The following KLF8 variants were observed in gnomAD, a reference collection of about 807,000 sequenced individuals.
KLF8 encodes the protein KLF transcription factor 8.
A neutral mutation model predicts 18.2 loss-of-function variants in KLF8; 10 were observed. The ratio of observed to expected loss-of-function variants is 0.55; its 90% confidence interval spans 0.34 to 0.93. KLF8 has a LOEUF of 0.93. Among genes scored for constraint, KLF8 ranks in the 40% least tolerant of loss-of-function variants. The probability of loss-of-function intolerance (pLI) is 0.02; values close to 1 mark genes in which losing one functional copy is unlikely to be tolerated. For synonymous variants in KLF8, 109 were observed against 97.3 expected, an observed-to-expected ratio of 1.12 and a Z score of -0.71; for missense variants, 264 against 277.9, an observed-to-expected ratio of 0.95 and a Z score of 0.36.
the KLF8 span, among the ~76,000 whole-genome samples, chrX:55,990,827 CAGCAAATGT>C: frequency 8.9e-6 from 1 of 111,865 alleles, no homozygotes; most frequent in Admixed American, 9.5e-5. Context: ...TACTGGTGAG[CAGCAAATGT>C]TGCTGCCTGA....
chrX:56,177,496 G>A, the KLF8 span, among the ~76,000 whole-genome samples: 8 of 110,721 alleles, frequency 7.2e-5, no homozygotes, highest in Non-Finnish European at 1.3e-4. Flanking sequence ...GCCATGTGAG[G>A]TGTCCATCTG....
At chrX:56,158,515 T>C in the KLF8 span, among the ~76,000 whole-genome samples, 1 of 111,948 alleles carries the variant, frequency 8.9e-6, no homozygotes, top group African/African-American at 3.2e-5. Flanking sequence ...ATTCTTCCTA[T>C]CCATGAGTAT....
At chrX:56,058,159 C>CAT in the KLF8 span, among the ~76,000 whole-genome samples, 5,186 of 79,700 alleles carry the variant, frequency 0.065, 554 homozygotes, top group African/African-American at 0.24. Context: ...CAGTGTTGGG[C>CAT]ATATATATAT....
the KLF8 span, among the ~76,000 whole-genome samples, chrX:56,072,989 T>C: frequency 1.1e-4 from 4 of 35,591 alleles, no homozygotes; most frequent in Non-Finnish European, 4.9e-4. Context: ...CGCTTAGCAT[T>C]TTTTTTTTTT....
the KLF8 span, among the ~76,000 whole-genome samples, chrX:56,059,392 A>G: frequency 9.0e-6 from 1 of 111,710 alleles, no homozygotes; most frequent in African/African-American, 3.3e-5. Flanking sequence ...TTTTGTTGCC[A>G]TTGCTTTTGG....
chrX:56,233,439 G>C, intron 1 of KLF8, 98 bp downstream of exon 1: 1 of 683,880 alleles, frequency 1.5e-6, no homozygotes, highest in Non-Finnish European at 2.4e-6. Context: ...CACCCCACTT[G>C]GGGTTTCAGC....
At chrX:55,925,943 G>A in the KLF8 span, among the ~76,000 whole-genome samples, 1 of 111,836 alleles carries the variant, frequency 8.9e-6, no homozygotes. Context: ...CATGCAATAC[G>A]TAATAATCAC....
the KLF8 span, among the ~76,000 whole-genome samples, chrX:56,205,685 T>G: frequency 8.9e-6 from 1 of 112,231 alleles, no homozygotes; most frequent in Non-Finnish European, 1.9e-5. Flanking sequence ...AATTTTAAAG[T>G]ATTCCCTTTT....
At chrX:55,961,868 G>T in the KLF8 span, 1 of 228,922 alleles carries the variant, frequency 4.4e-6, no homozygotes, top group South Asian at 6.3e-5. Context: ...CTAGAGCAGT[G>T]AAAAGAAATA....
the KLF8 span, among the ~76,000 whole-genome samples, chrX:56,195,804 A>C: frequency 2.7e-5 from 3 of 111,680 alleles, no homozygotes; most frequent in South Asian, 7.5e-4. Context: ...GTCAAAATGG[A>C]GGAAAAAGTT....
the KLF8 span, among the ~76,000 whole-genome samples, chrX:55,949,239 G>C: frequency 2.7e-5 from 3 of 111,026 alleles, no homozygotes; most frequent in Admixed American, 2.9e-4. Flanking sequence ...CCCATGGACA[G>C]TTGTTACAAA....
chrX:55,913,709 G>C, the KLF8 span, among the ~76,000 whole-genome samples: 1 of 111,780 alleles, frequency 8.9e-6, no homozygotes, highest in Non-Finnish European at 1.9e-5. Flanking sequence ...GTGACACTTC[G>C]TCATAGCAGC....
the KLF8 span, among the ~76,000 whole-genome samples, chrX:56,034,802 C>A: frequency 3.7e-5 from 3 of 80,567 alleles, no homozygotes; most frequent in Admixed American, 1.8e-4. Context: ...GTGGCCCAGG[C>A]TGGAGTGCAG....
chrX:56,013,624 A>T, the KLF8 span, among the ~76,000 whole-genome samples: 1 of 110,250 alleles, frequency 9.1e-6, no homozygotes, highest in Non-Finnish European at 1.9e-5. Context: ...CATGGGGGTG[A>T]TTTCCTTCTT....
At chrX:56,218,128 G>C in the KLF8 span, among the ~76,000 whole-genome samples, 3 of 111,382 alleles carry the variant, frequency 2.7e-5, no homozygotes, top group Admixed American at 2.9e-4. Context: ...GTGTAAAGAG[G>C]ATCCAAAGAT....
At chrX:56,063,569 C>T in the KLF8 span, among the ~76,000 whole-genome samples, 1 of 111,593 alleles carries the variant, frequency 9.0e-6, no homozygotes, top group African/African-American at 3.3e-5. Flanking sequence ...CAGAAGGCAG[C>T]CAGAGCTCTC....
At chrX:56,251,814 T>C (rs1351728214) in intron 2 of KLF8, among the ~76,000 whole-genome samples, 3 of 111,255 alleles carry the variant, frequency 2.7e-5, no homozygotes, top group Admixed American at 9.6e-5. Context: ...TGGGATACAT[T>C]GAGATGTTTT....
chrX:56,155,348 C>T, the KLF8 span, among the ~76,000 whole-genome samples: 18 of 111,085 alleles, frequency 1.6e-4, no homozygotes, highest in African/African-American at 5.9e-4. Context: ...AGCAAACTAT[C>T]GCAAGGAGAA....
chrX:56,270,809 A>T (rs1457671632), intron 5 of KLF8, among the ~76,000 whole-genome samples: 4 of 105,246 alleles, frequency 3.8e-5, no homozygotes, highest in African/African-American at 1.0e-4. Flanking sequence ...TGTTCACATT[A>T]AAAAAAAAAG....
Sources: gnomAD v4.1 joint callset for allele counts (sites outside exome capture counted in the v4.1 genomes callset) on GRCh38, gnomAD v4.1.1 for gene constraint, MANE v1.5 for transcripts, NCBI Gene and HGNC (gene_info 2026-07-23, HGNC 2026-07-21) for gene names.